SLC22A14: variants seen among roughly 807,000 people sequenced by gnomAD.
SLC22A14 encodes organic cation transporter-like 4.
In SLC22A14, 50 loss-of-function variants were observed where a neutral mutation model predicts 53.9. That is an observed-to-expected ratio of 0.93 (90% CI 0.74 to 1.17). SLC22A14 has a LOEUF of 1.17. Among genes scored for constraint, SLC22A14 ranks in the 50% most tolerant of loss-of-function variants. The pLI, the probability that SLC22A14 is intolerant of heterozygous loss-of-function variation, is 0.00. For missense variants in SLC22A14, 671 were observed against 734.7 expected, an observed-to-expected ratio of 0.91 and a Z score of 1.00; for synonymous variants, 312 against 303.0, an observed-to-expected ratio of 1.03 and a Z score of -0.31.
In SLC22A14 at chr3:38,318,289, G is replaced by A. The variant is rs1704676168; in HGVS notation, c.*40G>A. 1.9e-6 allele frequency: 3 copies of A among 1,572,462 alleles called. No homozygotes were observed. In the South Asian group the frequency reaches 3.3e-5, roughly 17 times the overall value. On this transcript the variant is annotated 3_prime_UTR_variant, in exon 11 of 11. Transcript: ENST00000448498. ...ATGTCATTCTCAATGCCCAGATCCT[G>A]AGATTGGACCCATACCCTGTCTCCA... is the stretch of plus-strand genomic sequence containing the variant.
intron 1 of SLC22A14, among the ~76,000 whole-genome samples, chr3:38,290,591 T>G (rs1324009257): frequency 6.6e-6 from 1 of 152,238 alleles, no homozygotes; most frequent in Non-Finnish European, 1.5e-5. Flanking sequence ...GGCCATCTGA[T>G]GGGTGCTATC....
At chr3:38,299,489 C>T (rs1246838268) in intron 1 of SLC22A14, among the ~76,000 whole-genome samples, 1 of 152,222 alleles carries the variant, frequency 6.6e-6, no homozygotes. Context: ...TTGCTTTCTT[C>T]ACTTACCAAT....
At chr3:38,300,593 T>C (rs1575411788) in intron 1 of SLC22A14, among the ~76,000 whole-genome samples, 1 of 152,146 alleles carries the variant, frequency 6.6e-6, no homozygotes, top group East Asian at 1.9e-4. Flanking sequence ...TGGGAAGCCC[T>C]TACTCCCCCA....
At chr3:38,314,343 G>A (rs1315832419) in intron 8 of SLC22A14, among the ~76,000 whole-genome samples, 1 of 152,234 alleles carries the variant, frequency 6.6e-6, no homozygotes, top group African/African-American at 2.4e-5. Flanking sequence ...AATGCCTGTT[G>A]TTCCCTGTAG....
At chr3:38,288,536 A>C (rs1290236930) in intron 1 of SLC22A14, among the ~76,000 whole-genome samples, 1 of 152,184 alleles carries the variant, frequency 6.6e-6, no homozygotes, top group African/African-American at 2.4e-5. Flanking sequence ...ACACCCTTTT[A>C]CATTCCAATA....
Position 38,318,324 on chromosome 3 carries a change from T to C in SLC22A14, c.*75T>C. 7.3e-7 allele frequency: 1 copy of C among 1,364,614 alleles called. No homozygotes were observed. The highest frequency in any genetic ancestry group is 1.0e-6 in the Non-Finnish European group (1 of 953,078). The allele number at this position is 1,364,614 out of a possible 1,614,324, so 84.5% of individuals were successfully genotyped here. A position where few individuals can be genotyped will look rare whatever the true frequency, so the allele number is the denominator to read the frequency against. On this transcript the variant is annotated 3_prime_UTR_variant, in exon 11 of 11. Coordinates refer to ENST00000448498, the MANE Select transcript of SLC22A14 (RefSeq NM_001320033.2). Reference sequence around the variant, plus strand: ...CCATACCCTGTCTCCAACCCTGCCTTGAAGCAATTCAATAAAGAGGAAGCA... The same window carrying C: ...CCATACCCTGTCTCCAACCCTGCCTCGAAGCAATTCAATAAAGAGGAAGCA...
chr3:38,287,821 C>CAT (rs1703825018), intron 1 of SLC22A14, among the ~76,000 whole-genome samples: 1 of 152,198 alleles, frequency 6.6e-6, no homozygotes, highest in Non-Finnish European at 1.5e-5. Flanking sequence ...AACTTTTATT[C>CAT]ATGACCATGA....
upstream of SLC22A14, among the ~76,000 whole-genome samples, chr3:38,280,681 T>G (rs1703648417): frequency 6.6e-6 from 1 of 150,724 alleles, no homozygotes; most frequent in African/African-American, 2.4e-5. Flanking sequence ...CAGGCTGGAG[T>G]GCAGTGGTGC....
At chr3:38,291,296 T>G (rs1209415160) in intron 1 of SLC22A14, among the ~76,000 whole-genome samples, 2 of 152,204 alleles carry the variant, frequency 1.3e-5, no homozygotes, top group African/African-American at 2.4e-5. Context: ...AAGGTCCCCT[T>G]GAGCGGCGTA....
intron 1 of SLC22A14, among the ~76,000 whole-genome samples, chr3:38,288,935 T>G (rs553457939): frequency 1.3e-5 from 2 of 152,186 alleles, no homozygotes; most frequent in South Asian, 4.1e-4. Flanking sequence ...ATCCCAGAAC[T>G]TTGGGAGACC....
Position 38,316,474 on chromosome 3 carries a change from A to G in SLC22A14, c.1683A>G (p.Glu561=). Residue 561 remains glutamate (E), a synonymous_variant, in exon 10 of 11, where the codon GAA becomes GAG. Coordinates refer to ENST00000448498, the MANE Select transcript of SLC22A14 (RefSeq NM_001320033.2). ...TTTCCCTCTCCTCCCTGCTGCCGGA[A>G]ACGCGAGATCAGCCCCTCTCCGAGA... ...VAFSLSSLLP[E]TRDQPLSESL... is the part of the protein sequence containing the mutation. 1 of 1,613,992 alleles carries G rather than the reference A, an allele frequency of 6.2e-7. No individual in the cohort carries two copies. The highest frequency in any genetic ancestry group is 8.5e-7 in the Non-Finnish European group (1 of 1,179,962).
At chr3:38,311,362 A>G (rs556300298) in intron 5 of SLC22A14, among the ~76,000 whole-genome samples, 10 of 152,306 alleles carry the variant, frequency 6.6e-5, no homozygotes, top group South Asian at 6.2e-4. Flanking sequence ...GTCCTCAAGG[A>G]TAGTGCCTGG....
At chr3:38,312,936 G>A in intron 5 of SLC22A14, 63 bp from the exon 6 acceptor site, 3 of 1,554,860 alleles carry the variant, frequency 1.9e-6, no homozygotes, top group Non-Finnish European at 2.6e-6. Flanking sequence ...GGCCACGAGA[G>A]GGCCAGCAGG....
At chr3:38,314,426 C>T (rs194706) in intron 8 of SLC22A14, among the ~76,000 whole-genome samples, 22,894 of 152,240 alleles carry the variant, frequency 0.15, 3,147 homozygotes, top group African/African-American at 0.36. Context: ...ACAGCTCTTG[C>T]ATGGAGGCCC....
intron 8 of SLC22A14, 118 bp downstream of exon 8, chr3:38,314,059 C>CTA: frequency 2.7e-6 from 2 of 744,132 alleles, no homozygotes; most frequent in African/African-American, 3.5e-5. Flanking sequence ...CCTTCTGCAC[C>CTA]TATAGCCCAC....
intron 5 of SLC22A14, among the ~76,000 whole-genome samples, chr3:38,309,336 TAGAG>T (rs1704405945): frequency 6.6e-6 from 1 of 151,960 alleles, no homozygotes; most frequent in South Asian, 2.1e-4. Context: ...AAAGAGATGT[TAGAG>T]AGGTGGTCAG....
chr3:38,295,298 G>T (rs911601161), intron 1 of SLC22A14, among the ~76,000 whole-genome samples: 1 of 152,234 alleles, frequency 6.6e-6, no homozygotes, highest in Non-Finnish European at 1.5e-5. Flanking sequence ...TAAGATTTTT[G>T]AGTTAGTAAG....
In SLC22A14 at chr3:38,307,399, A is replaced by G. The variant is rs1559551297; in HGVS notation, c.620+42A>G. Reference sequence around the variant, plus strand: ...TTCTGCTGGTCCCCGAGCCATCCCAACTCCTCCTCATGGGCATTCAGGGTT... The same window carrying G: ...TTCTGCTGGTCCCCGAGCCATCCCAGCTCCTCCTCATGGGCATTCAGGGTT... On this transcript the variant is annotated intron_variant, in intron 3 of 10. Coordinates refer to ENST00000448498, the MANE Select transcript of SLC22A14 (RefSeq NM_001320033.2). This position sits in a 1 kb window ranked among gnomAD's most constrained non-coding sequence, Gnocchi z 4.4. 1.9e-6 allele frequency: 3 copies of G among 1,551,198 alleles called. No individual in the cohort carries two copies. Among genetic ancestry groups the G allele is most frequent in the East Asian group, 2.2e-5 (1 of 44,548 alleles).
At chr3:38,289,356 T>C (rs1238224754) in intron 1 of SLC22A14, among the ~76,000 whole-genome samples, 1 of 152,128 alleles carries the variant, frequency 6.6e-6, no homozygotes, top group East Asian at 1.9e-4. Flanking sequence ...GTTCTCCCAC[T>C]AACATTCTTT....
Sources: gnomAD v4.1 joint callset for allele counts (sites outside exome capture counted in the v4.1 genomes callset) on GRCh38, gnomAD v4.1.1 for gene constraint, Gnocchi (gnomAD v3.1) non-coding constraint, MANE v1.5 for transcripts, NCBI Gene and HGNC (gene_info 2026-07-23, HGNC 2026-07-21) for gene names.